IFT52: variants seen among roughly 807,000 people sequenced by gnomAD.
IFT52 encodes the protein intraflagellar transport 52.
IFT52 carries 44 observed loss-of-function variants against 54.4 expected under a neutral mutation model. That is an observed-to-expected ratio of 0.81 (90% CI 0.63 to 1.04). IFT52 has a LOEUF of 1.04. Among genes scored for constraint, IFT52 ranks in the 50% least tolerant of loss-of-function variants. The probability of loss-of-function intolerance (pLI) is 0.00; values close to 1 mark genes in which losing one functional copy is unlikely to be tolerated. For missense variants in IFT52, 452 were observed against 523.6 expected (o/e 0.86, Z 1.33); for synonymous variants, 181 against 185.3 (o/e 0.98, Z 0.19).
intron 9 of IFT52, among the ~76,000 whole-genome samples, chr20:43,622,824 A>ATTTTTATATGTAAATATAAATATATACAT (rs1984441365): frequency 6.7e-6 from 1 of 149,296 alleles, no homozygotes; most frequent in Non-Finnish European, 1.5e-5. Flanking sequence ...ATATATACAT[A>ATTTTTATATGTAAATATAAATATATACAT]TTTTTATGTG....
At chr20:43,634,907 A>G (rs973984804) in intron 10 of IFT52, among the ~76,000 whole-genome samples, 1 of 152,038 alleles carries the variant, frequency 6.6e-6, no homozygotes, top group African/African-American at 2.4e-5. Context: ...GCGGTGGCTC[A>G]TGCCTGTAAT....
intron 3 of IFT52, among the ~76,000 whole-genome samples, chr20:43,598,502 T>G (rs1982175058): frequency 6.6e-6 from 1 of 151,962 alleles, no homozygotes; most frequent in Non-Finnish European, 1.5e-5. Flanking sequence ...TGAGACCAGC[T>G]TGGCCAACAT....
intron 6 of IFT52, among the ~76,000 whole-genome samples, chr20:43,606,620 G>T (rs1982904633): frequency 1.3e-5 from 2 of 151,702 alleles, no homozygotes; most frequent in Admixed American, 1.3e-4. Flanking sequence ...ATCATTCTTG[G>T]GTGTTTCTCG....
In IFT52 at chr20:43,647,185, A is replaced by T; in HGVS notation, c.*202A>T. On this transcript the variant is annotated 3_prime_UTR_variant, in exon 14 of 14. Coordinates refer to ENST00000373030, the MANE Select transcript of IFT52 (RefSeq NM_016004.5). The stretch of plus-strand genomic sequence containing the variant: ...ATGTAAGATACATTCCATTTTTAAA[A>T]ATTAAATGTATGGTTGCATCTGTCT... 1 of 574,276 alleles carries T rather than the reference A, an allele frequency of 1.7e-6. No individual in the cohort carries two copies. The highest frequency in any genetic ancestry group is 2.4e-5 in the South Asian group (1 of 42,470). 35.6% of individuals were successfully genotyped at this position (574,276 alleles called of 1,614,324 possible). A position where few individuals can be genotyped will look rare whatever the true frequency, so the allele number is the denominator to read the frequency against.
intron 12 of IFT52, among the ~76,000 whole-genome samples, chr20:43,638,193 ATTT>A (rs10710648): frequency 6.8e-6 from 1 of 146,750 alleles, no homozygotes; most frequent in Non-Finnish European, 1.5e-5. Context: ...AGGAGATTAT[ATTT>A]TTTTTTTTTT....
chr20:43,624,162 C>G, intron 10 of IFT52, 117 bp downstream of exon 10: 2 of 1,125,346 alleles, frequency 1.8e-6, no homozygotes, highest in Non-Finnish European at 2.6e-6. Flanking sequence ...AGAACATGTT[C>G]TCAGATCTAT....
chr20:43,599,656 C>T (rs1215294721), intron 3 of IFT52, among the ~76,000 whole-genome samples: 4 of 152,124 alleles, frequency 2.6e-5, no homozygotes, highest in African/African-American at 9.7e-5. Flanking sequence ...ACTGTTACCC[C>T]TGGAGAGCTG....
At chr20:43,621,915 G>T (rs1026272266) in intron 9 of IFT52, among the ~76,000 whole-genome samples, 2 of 152,182 alleles carry the variant, frequency 1.3e-5, no homozygotes, top group African/African-American at 2.4e-5. Context: ...CCTCATAACT[G>T]CCCTGGGAGG....
At chr20:43,613,729 C>T in intron 6 of IFT52, 121 bp from the exon 7 acceptor site, 1 of 962,744 alleles carries the variant, frequency 1.0e-6, no homozygotes, top group Non-Finnish European at 1.6e-6. Flanking sequence ...TGCACTGCAG[C>T]CTGGGTGACT....
intron 3 of IFT52, among the ~76,000 whole-genome samples, chr20:43,600,961 A>G (rs1289289822): frequency 6.6e-6 from 1 of 152,098 alleles, no homozygotes; most frequent in African/African-American, 2.4e-5. Context: ...GCAAGACTTC[A>G]TCTCAAAAAA....
chr20:43,608,265 AAATGT>A (rs1983135781), intron 6 of IFT52, among the ~76,000 whole-genome samples: 1 of 152,234 alleles, frequency 6.6e-6, no homozygotes, highest in African/African-American at 2.4e-5. Context: ...ATGGGTTACC[AAATGT>A]AATGTGTTAC....
chr20:43,622,743 T>TTA (rs1555804268), intron 9 of IFT52, among the ~76,000 whole-genome samples: 5 of 130,808 alleles, frequency 3.8e-5, no homozygotes, highest in African/African-American at 1.5e-4. Context: ...ATACATATTT[T>TTA]TATGTAAATA....
chr20:43,603,936 T>A, intron 4 of IFT52, 47 bp downstream of exon 4: 1 of 1,307,110 alleles, frequency 7.7e-7, no homozygotes, highest in Non-Finnish European at 1.1e-6. Flanking sequence ...TTTCTATCTA[T>A]TATTTGATAT....
At chr20:43,607,516 C>T (rs1297462455) in intron 6 of IFT52, among the ~76,000 whole-genome samples, 2 of 148,560 alleles carry the variant, frequency 1.3e-5, no homozygotes, top group Admixed American at 1.3e-4. Context: ...CAGAGGCGCT[C>T]CTCACATCCC....
chr20:43,603,921 G>A (rs1383194412), intron 4 of IFT52, 32 bp downstream of exon 4: 2 of 1,363,598 alleles, frequency 1.5e-6, no homozygotes, highest in Non-Finnish European at 2.1e-6. Flanking sequence ...AGTAGAGGCA[G>A]TACTTTTCTA....
At chr20:43,592,970 G>A (rs936942659) in intron 1 of IFT52, among the ~76,000 whole-genome samples, 7 of 152,096 alleles carry the variant, frequency 4.6e-5, no homozygotes, top group African/African-American at 1.4e-4. Flanking sequence ...ACACTGGTGC[G>A]CGCCTGTAGT....
chr20:43,591,831 A>G (rs1295968917), intron 1 of IFT52, among the ~76,000 whole-genome samples: 1 of 152,176 alleles, frequency 6.6e-6, no homozygotes, highest in Admixed American at 6.5e-5. Flanking sequence ...TGAGCCCAGG[A>G]GTCAGAGACC....
At position 43,613,885 on chromosome 20, in the gene IFT52, T is replaced by G; in HGVS notation, c.521T>G (p.Leu174Trp). The G allele has an allele frequency of 6.2e-7, 1 of 1,614,106 alleles. No individual in the cohort carries two copies. Among genetic ancestry groups the G allele is most frequent in the Non-Finnish European group, 8.5e-7 (1 of 1,179,912 alleles). ...LTFVYPFGAT[L>W]SVMKPAVAVL... ...TTTGTGTATCCTTTTGGTGCCACATTGAGTGTCATGAAACCAGCAGTGGCG... is the reference window on the plus strand; with the variant it reads ...TTTGTGTATCCTTTTGGTGCCACATGGAGTGTCATGAAACCAGCAGTGGCG... Residue 174 changes from leucine (L) to tryptophan (W), a missense_variant, in exon 7 of 14, where the codon TTG becomes TGG. Physicochemically the swap from Leu to Trp is moderately conservative, Grantham distance 61. Coordinates refer to ENST00000373030, the MANE Select transcript of IFT52 (RefSeq NM_016004.5).
intron 4 of IFT52, 47 bp downstream of exon 4, chr20:43,603,936 T>C: frequency 1.5e-6 from 2 of 1,307,110 alleles, no homozygotes; most frequent in Non-Finnish European, 2.2e-6. Flanking sequence ...TTTCTATCTA[T>C]TATTTGATAT....
Sources: gnomAD v4.1 joint callset for allele counts (sites outside exome capture counted in the v4.1 genomes callset) on GRCh38, gnomAD v4.1.1 for gene constraint, MANE v1.5 for transcripts, NCBI Gene and HGNC (gene_info 2026-07-23, HGNC 2026-07-21) for gene names.